The following RPRD1B variants were observed in gnomAD, a reference collection of about 807,000 sequenced individuals.
RPRD1B encodes regulation of nuclear pre-mRNA domain-containing protein 1B.
Under a neutral mutation model 41.5 loss-of-function variants are expected in RPRD1B, and 11 were observed. That is an observed-to-expected ratio of 0.27 (90% confidence interval 0.17 to 0.44). RPRD1B has a LOEUF of 0.44. Ranked by LOEUF, RPRD1B falls within the 20% of genes least tolerant of loss-of-function variation. The pLI is 1.00. For missense variants in RPRD1B, 248 were observed against 389.9 expected (o/e 0.64, Z 3.06); for synonymous variants, 158 against 155.6 (o/e 1.02, Z -0.12).
At chr20:38,061,284 A>G (rs2074294707) in intron 5 of RPRD1B, among the ~76,000 whole-genome samples, 1 of 151,916 alleles carries the variant, frequency 6.6e-6, no homozygotes. Flanking sequence ...ATAACTCATC[A>G]TTTTTCACTT....
chr20:38,075,146 G>A (rs2074447117), intron 6 of RPRD1B, among the ~76,000 whole-genome samples: 1 of 152,178 alleles, frequency 6.6e-6, no homozygotes, highest in African/African-American at 2.4e-5. Context: ...TATATGTGCA[G>A]ATGTCTGCTT....
intron 3 of RPRD1B, among the ~76,000 whole-genome samples, chr20:38,051,385 G>A (rs746683143): frequency 3.9e-5 from 6 of 152,202 alleles, no homozygotes; most frequent in Admixed American, 6.5e-5. Context: ...TAGAGAGAGA[G>A]GGTAGATACA....
At chr20:38,066,296 C>T (rs550752792) in intron 6 of RPRD1B, 40 bp downstream of exon 6, 17 of 1,588,128 alleles carry the variant, frequency 1.1e-5, no homozygotes, top group Admixed American at 1.7e-5. Context: ...CCCACGTTTC[C>T]CTTCCTGTAG....
At chr20:38,081,617 C>T (rs993205318) in intron 6 of RPRD1B, among the ~76,000 whole-genome samples, 3 of 152,072 alleles carry the variant, frequency 2.0e-5, no homozygotes, top group Non-Finnish European at 4.4e-5. Flanking sequence ...AGTGGGCATC[C>T]TTGTCTTATT....
intron 6 of RPRD1B, 141 bp downstream of exon 6, chr20:38,066,397 C>A (rs1600421052): frequency 1.2e-6 from 1 of 815,646 alleles, no homozygotes; most frequent in African/African-American, 1.7e-5. Flanking sequence ...CCATCAGATA[C>A]TGTAATTATT....
chr20:38,037,329 A>G (rs920139960), intron 1 of RPRD1B, among the ~76,000 whole-genome samples: 1 of 152,220 alleles, frequency 6.6e-6, no homozygotes, highest in Non-Finnish European at 1.5e-5. Flanking sequence ...GGTGTTTTGT[A>G]TCTTGGCCTG....
chr20:38,058,422 A>G (rs190403429), intron 4 of RPRD1B, among the ~76,000 whole-genome samples: 98 of 152,268 alleles, frequency 6.4e-4, no homozygotes, highest in African/African-American at 2.3e-3. Context: ...GGATTTAAAC[A>G]CTTTAAAGAC....
chr20:38,054,222 T>A (rs2074217619), intron 3 of RPRD1B, among the ~76,000 whole-genome samples: 1 of 152,100 alleles, frequency 6.6e-6, no homozygotes, highest in Non-Finnish European at 1.5e-5. Context: ...AAAGTGTTCG[T>A]AATGGAAATA....
intron 6 of RPRD1B, among the ~76,000 whole-genome samples, chr20:38,083,737 C>T (rs1001117364): frequency 8.5e-5 from 13 of 152,256 alleles, no homozygotes; most frequent in South Asian, 6.2e-4. Flanking sequence ...ACCTTTATTA[C>T]GGGTTTTGAT....
At chr20:38,038,307 ATTT>A (rs557260550) in intron 1 of RPRD1B, among the ~76,000 whole-genome samples, 6 of 134,892 alleles carry the variant, frequency 4.4e-5, no homozygotes, top group Admixed American at 1.5e-4. Flanking sequence ...CTGTAGCTAC[ATTT>A]TTTTTTTTTT....
At chr20:38,087,170 G>C (rs142715544) in intron 6 of RPRD1B, among the ~76,000 whole-genome samples, 87 of 152,262 alleles carry the variant, frequency 5.7e-4, no homozygotes, top group Middle Eastern at 3.4e-3. Flanking sequence ...ATGTTGCCCA[G>C]GCTGGTCTTG....
In RPRD1B at chr20:38,066,031, C is replaced by T; in HGVS notation, c.656-50C>T. ...TCCCCCAGAAATGTTTGTAGTCATA[C>T]CTGTGTGATTTGTATATTTTCTCTA... On this transcript the variant is annotated intron_variant, in intron 5 of 6. Coordinates refer to ENST00000373433, the MANE Select transcript of RPRD1B (RefSeq NM_021215.4). 4 of 1,574,168 alleles carry T rather than the reference C, an allele frequency of 2.5e-6. No homozygotes were observed. In the South Asian group the frequency reaches 3.4e-5, roughly 13 times the overall value.
intron 6 of RPRD1B, among the ~76,000 whole-genome samples, chr20:38,070,009 A>G (rs960842042): frequency 8.9e-5 from 13 of 146,358 alleles, no homozygotes; most frequent in African/African-American, 3.2e-4. Flanking sequence ...CTATAGAGAA[A>G]AGGGTTTTTT....
chr20:38,050,156 A>G (rs1294709615), intron 3 of RPRD1B, among the ~76,000 whole-genome samples: 1 of 152,224 alleles, frequency 6.6e-6, no homozygotes, highest in Admixed American at 6.5e-5. Context: ...CATGTGTGAC[A>G]GTATCCTTCA....
In RPRD1B at chr20:38,092,010, T is replaced by C; in HGVS notation, c.*2135T>C. ...TTCGTTTTTTAAATCTTAATTCTGC[T>C]GTCCACATCCTCCCAAAGTGTGCTT... On this transcript the variant is annotated 3_prime_UTR_variant, in exon 7 of 7. Coordinates refer to ENST00000373433, the MANE Select transcript of RPRD1B (RefSeq NM_021215.4). 2 of 985,876 alleles carry C rather than the reference T, an allele frequency of 2.0e-6. No homozygotes were observed. The highest frequency in any genetic ancestry group is 2.4e-6 in the Non-Finnish European group (2 of 829,912). 61.1% of individuals were successfully genotyped at this position (985,876 alleles called of 1,614,324 possible).
At chr20:38,079,968 AT>A (rs2074498810) in intron 6 of RPRD1B, among the ~76,000 whole-genome samples, 1 of 152,148 alleles carries the variant, frequency 6.6e-6, no homozygotes, top group Admixed American at 6.5e-5. Context: ...TTCTCTAATG[AT>A]TAGTGATACT....
intron 6 of RPRD1B, among the ~76,000 whole-genome samples, chr20:38,082,623 G>A (rs1184512035): frequency 3.3e-5 from 5 of 152,144 alleles, no homozygotes; most frequent in African/African-American, 7.2e-5. Flanking sequence ...TCCTGACCTC[G>A]TGATCCGCCT....
intron 6 of RPRD1B, among the ~76,000 whole-genome samples, chr20:38,066,989 C>T (rs562010736): frequency 1.3e-5 from 2 of 152,204 alleles, no homozygotes; most frequent in South Asian, 2.1e-4. Context: ...ATCCATGCTG[C>T]GGCCAAGAAG....
At chr20:38,060,615 A>G (rs1293720513) in intron 5 of RPRD1B, among the ~76,000 whole-genome samples, 4 of 152,138 alleles carry the variant, frequency 2.6e-5, no homozygotes, top group Admixed American at 6.5e-5. Flanking sequence ...AAGGGAAGGA[A>G]GGGCCACCAG....
Sources: allele counts gnomAD v4.1 joint callset (sites outside exome capture counted in the v4.1 genomes callset), GRCh38; gene constraint gnomAD v4.1.1; transcripts MANE v1.5; gene names NCBI Gene and HGNC (gene_info 2026-07-23, HGNC 2026-07-21).